GPC6: variants seen among roughly 807,000 people sequenced by gnomAD.
The protein encoded by GPC6 is glypican-6.
A neutral mutation model predicts 55.2 loss-of-function variants in GPC6; 14 were observed. The observed-to-expected ratio is 0.25, with a 90% CI of 0.17 to 0.40. The LOEUF is 0.40. GPC6 is among the 10% of genes least tolerant of loss of function. GPC6 has a pLI of 1.00. For missense variants in GPC6, 641 were observed against 708.5 expected, an observed-to-expected ratio of 0.90 and a Z score of 1.08; for synonymous variants, 278 against 259.6, an observed-to-expected ratio of 1.07 and a Z score of -0.68.
At chr13:93,300,670 G>A (rs933596925) in intron 1 of GPC6, among the ~76,000 whole-genome samples, 1 of 146,936 alleles carries the variant, frequency 6.8e-6, no homozygotes, top group Admixed American at 6.9e-5. Context: ...AAAAAGAATA[G>A]GAATGAGGCC....
chr13:93,810,469 T>G (rs1247351820), intron 2 of GPC6, among the ~76,000 whole-genome samples: 1 of 152,202 alleles, frequency 6.6e-6, no homozygotes, highest in African/African-American at 2.4e-5. Flanking sequence ...AGGTGACTAT[T>G]GTTTGTTTTT....
intron 2 of GPC6, among the ~76,000 whole-genome samples, chr13:93,807,682 A>G (rs1194022665): frequency 6.6e-6 from 1 of 152,212 alleles, no homozygotes; most frequent in Non-Finnish European, 1.5e-5. Flanking sequence ...CTTCCTCTTG[A>G]AAAACACTCA....
chr13:93,328,398 G>A (rs1484388380), intron 1 of GPC6, among the ~76,000 whole-genome samples: 2 of 152,240 alleles, frequency 1.3e-5, no homozygotes, highest in African/African-American at 4.8e-5. Flanking sequence ...TCAGGGCTGG[G>A]TGCTGTGGCT....
At chr13:93,842,510 T>C (rs1887990776) in intron 3 of GPC6, among the ~76,000 whole-genome samples, 1 of 152,160 alleles carries the variant, frequency 6.6e-6, no homozygotes, top group South Asian at 2.1e-4. Flanking sequence ...TGATAGTACT[T>C]TCCCAACAAT....
chr13:94,210,276 C>A (rs886858401), intron 4 of GPC6, among the ~76,000 whole-genome samples: 18 of 152,056 alleles, frequency 1.2e-4, no homozygotes, highest in African/African-American at 3.6e-4. Flanking sequence ...CCCGCCTCAG[C>A]CTCCCAAGTA....
At chr13:93,923,860 A>G (rs1301040250) in intron 3 of GPC6, among the ~76,000 whole-genome samples, 1 of 152,180 alleles carries the variant, frequency 6.6e-6, no homozygotes, top group African/African-American at 2.4e-5. Context: ...TTTATTACAG[A>G]GCAAGGCTAA....
intron 2 of GPC6, among the ~76,000 whole-genome samples, chr13:93,565,460 T>C (rs1736163129): frequency 1.3e-5 from 2 of 152,204 alleles, no homozygotes; most frequent in Admixed American, 1.3e-4. Flanking sequence ...CTCACTCAAC[T>C]CTTTGCCTTT....
chr13:93,390,761 C>A (rs1243382560), intron 1 of GPC6, among the ~76,000 whole-genome samples: 1 of 150,790 alleles, frequency 6.6e-6, no homozygotes, highest in Admixed American at 6.6e-5. Context: ...TGTCAGCTTG[C>A]ATGTATAGTT....
Position 93,359,113 on chromosome 13 carries a change from C to T in GPC6, c.160+131497C>T, listed in dbSNP as rs146393233. Among the ~76,000 whole-genome samples the T allele has an allele frequency of 1.8e-3, 278 of 151,598 alleles. 1 individual carries two copies. Among genetic ancestry groups the T allele is most frequent in the Admixed American group, 4.1e-3 (63 of 15,208 alleles). ...TCCCAGGTAGCTAGGGCTACAGATGCGTGCCACCATGCTAGGCTAATTTTA... is the reference window on the plus strand; with the variant it reads ...TCCCAGGTAGCTAGGGCTACAGATGTGTGCCACCATGCTAGGCTAATTTTA... On this transcript the variant is annotated intron_variant, in intron 1 of 8. Coordinates refer to ENST00000377047, the MANE Select transcript of GPC6 (RefSeq NM_005708.5).
intron 4 of GPC6, among the ~76,000 whole-genome samples, chr13:94,094,634 C>T (rs1348113549): frequency 6.6e-6 from 1 of 151,984 alleles, no homozygotes; most frequent in East Asian, 1.9e-4. Context: ...GTAAGATGTA[C>T]TTGTATTTCT....
chr13:93,647,891 T>C (rs1594339953), intron 2 of GPC6, among the ~76,000 whole-genome samples: 1 of 152,106 alleles, frequency 6.6e-6, no homozygotes, highest in East Asian at 1.9e-4. Flanking sequence ...ACCAGTCTTC[T>C]TGAATCCGAC....
At chr13:93,819,373 T>C (rs1470841303) in intron 2 of GPC6, among the ~76,000 whole-genome samples, 1 of 152,118 alleles carries the variant, frequency 6.6e-6, no homozygotes, top group Non-Finnish European at 1.5e-5. Flanking sequence ...TGTGAACAGG[T>C]TAATATATAT....
chr13:93,232,001 G>T (rs1002221384), intron 1 of GPC6, among the ~76,000 whole-genome samples: 6 of 151,942 alleles, frequency 3.9e-5, no homozygotes, highest in African/African-American at 1.5e-4. Flanking sequence ...CCTTTTCACT[G>T]ATCTTTGCCC....
At chr13:93,543,765 G>A (rs531572732) in intron 1 of GPC6, among the ~76,000 whole-genome samples, 13 of 152,168 alleles carry the variant, frequency 8.5e-5, no homozygotes, top group East Asian at 3.9e-4. Flanking sequence ...GCTATTGTGC[G>A]TAGTGTTCCA....
chr13:94,206,797 G>A (rs991581566), intron 4 of GPC6, among the ~76,000 whole-genome samples: 1 of 152,160 alleles, frequency 6.6e-6, no homozygotes, highest in Admixed American at 6.5e-5. Context: ...AGGTTGCAAT[G>A]AGCTGAGATC....
intron 2 of GPC6, among the ~76,000 whole-genome samples, chr13:93,778,345 A>G (rs1885532828): frequency 6.6e-6 from 1 of 151,690 alleles, no homozygotes; most frequent in South Asian, 2.1e-4. Flanking sequence ...GAAGAGAGTG[A>G]ATTATAAGAG....
intron 1 of GPC6, among the ~76,000 whole-genome samples, chr13:93,272,071 T>A (rs1223116911): frequency 1.3e-5 from 2 of 152,124 alleles, no homozygotes; most frequent in Non-Finnish European, 2.9e-5. Context: ...TAGTTAATTT[T>A]TTTTTCGCTT....
intron 4 of GPC6, among the ~76,000 whole-genome samples, chr13:94,264,497 G>GTAT: frequency 6.6e-6 from 1 of 152,148 alleles, no homozygotes; most frequent in South Asian, 2.1e-4. Flanking sequence ...GCATATATTT[G>GTAT]TTGTTGAAAA....
chr13:93,713,235 A>T (rs1046489492), intron 2 of GPC6, among the ~76,000 whole-genome samples: 15 of 151,646 alleles, frequency 9.9e-5, no homozygotes, highest in Admixed American at 2.0e-4. Flanking sequence ...ACTAAAAGTA[A>T]GTGAGCAAAG....
Sources: allele counts gnomAD v4.1 joint callset (sites outside exome capture counted in the v4.1 genomes callset), GRCh38; gene constraint gnomAD v4.1.1; transcripts MANE v1.5; gene names NCBI Gene and HGNC (gene_info 2026-07-23, HGNC 2026-07-21).